ZNF283: variants seen among roughly 807,000 people sequenced by gnomAD.
ZNF283 encodes zinc finger protein 41.
ZNF283 carries 10 observed loss-of-function variants against 9.2 expected under a neutral mutation model. The ratio of observed to expected loss-of-function variants is 1.09; its 90% CI spans 0.67 to 1.85. The LOEUF is 1.85. Among genes scored for constraint, ZNF283 ranks in the 40% most tolerant of loss-of-function variants. The pLI is 0.00. For synonymous variants in ZNF283, 234 were observed against 244.1 expected, an observed-to-expected ratio of 0.96 and a Z score of 0.38; for missense variants, 631 against 760.1, an observed-to-expected ratio of 0.83 and a Z score of 2.00.
intron 2 of ZNF283, among the ~76,000 whole-genome samples, chr19:43,829,349 C>T (rs1215394582): frequency 2.0e-5 from 3 of 152,156 alleles, no homozygotes; most frequent in African/African-American, 7.2e-5. Flanking sequence ...TGCACCACTG[C>T]ACTCCAGCCT....
chr19:43,831,904 C>T (rs1315425648), intron 3 of ZNF283, among the ~76,000 whole-genome samples: 1 of 152,226 alleles, frequency 6.6e-6, no homozygotes, highest in Admixed American at 6.5e-5. Flanking sequence ...GCTGGAATTA[C>T]AGGCGTGAGC....
chr19:43,835,677 A>G, intron 5 of ZNF283, 85 bp downstream of exon 5: 1 of 1,089,538 alleles, frequency 9.2e-7, no homozygotes, highest in Non-Finnish European at 1.4e-6. Context: ...GACCTATAGA[A>G]CTTCTCCATA....
intron 6 of ZNF283, chr19:43,837,694 G>A (rs1971038763): frequency 1.3e-5 from 2 of 153,558 alleles, no homozygotes; most frequent in Admixed American, 1.3e-4. Flanking sequence ...CAGCATAAGG[G>A]AATAGAAAAT....
chr19:43,846,665 G>T (rs1313391197), intron 6 of ZNF283, among the ~76,000 whole-genome samples: 1 of 152,196 alleles, frequency 6.6e-6, no homozygotes, highest in Non-Finnish European at 1.5e-5. Flanking sequence ...ATTGATGGAA[G>T]CTGACATTTG....
chr19:43,844,272 C>T (rs8113286), intron 6 of ZNF283, among the ~76,000 whole-genome samples: 60,969 of 151,294 alleles, frequency 0.4, 12,599 homozygotes, highest in South Asian at 0.55. Flanking sequence ...AATGATTTTT[C>T]TTGACATTTA....
At chr19:43,844,296 A>G (rs1971324653) in intron 6 of ZNF283, among the ~76,000 whole-genome samples, 1 of 152,132 alleles carries the variant, frequency 6.6e-6, no homozygotes, top group African/African-American at 2.4e-5. Flanking sequence ...AGTTAAACCC[A>G]TATTTATTTA....
At chr19:43,842,175 T>C (rs531785611) in intron 6 of ZNF283, among the ~76,000 whole-genome samples, 1 of 152,346 alleles carries the variant, frequency 6.6e-6, no homozygotes, top group East Asian at 1.9e-4. Context: ...CCAGTCTTTT[T>C]ACTCTTTGTA....
chr19:43,848,714 A>G lies in ZNF283; in HGVS notation c.*73A>G. On this transcript the variant is annotated 3_prime_UTR_variant, in exon 7 of 7. Coordinates refer to ENST00000618787, the MANE Select transcript of ZNF283 (RefSeq NM_181845.2). The stretch of plus-strand genomic sequence containing the variant: ...CATAATAAGAACTCTTACTCTTGAG[A>G]AACCTTGTGAATGTAAGGGTTGTGC... The G allele has an allele frequency of 3.5e-6, 5 of 1,418,678 alleles. No individual in the cohort carries two copies. The highest frequency in any genetic ancestry group is 4.7e-6 in the Non-Finnish European group (5 of 1,066,306). 87.9% of individuals were successfully genotyped at this position (1,418,678 alleles called of 1,614,324 possible).
chr19:43,842,737 C>T (rs990818294), intron 6 of ZNF283, among the ~76,000 whole-genome samples: 2 of 152,198 alleles, frequency 1.3e-5, no homozygotes, highest in Non-Finnish European at 2.9e-5. Flanking sequence ...GGTGACACTT[C>T]CACTGGTGGT....
In ZNF283 at chr19:43,847,823, T is replaced by C; in HGVS notation, c.1222T>C (p.Cys408Arg). 1 of 1,613,950 alleles carries C rather than the reference T, an allele frequency of 6.2e-7. No individual in the cohort carries two copies. The highest frequency in any genetic ancestry group is 8.5e-7 in the Non-Finnish European group (1 of 1,179,946). Residue 408 changes from cysteine (C) to arginine (R), a missense_variant, in exon 7 of 7, where the codon TGT (cysteine) becomes CGT (arginine). Physicochemically the swap from Cys to Arg is radical, Grantham distance 180. Around this residue, in one of 3 missense-constraint regions of ZNF283, gnomAD observed 444 missense variants for 522.5 expected, o/e 0.85. Transcript: ENST00000618787. ...TGAGAAACCCTATGAATGCAAGGAA[T>C]GTGGGAAGGCTTTTAATTGCGGATC... ...TGEKPYECKE[C>R]GKAFNCGSSL...
intron 6 of ZNF283, among the ~76,000 whole-genome samples, chr19:43,839,642 T>A (rs1971120007): frequency 6.6e-6 from 1 of 152,324 alleles, no homozygotes; most frequent in South Asian, 2.1e-4. Flanking sequence ...TCCTTTTTCT[T>A]TTTGCTTCTC....
intron 6 of ZNF283, among the ~76,000 whole-genome samples, chr19:43,841,685 G>A (rs573741240): frequency 6.6e-6 from 1 of 152,174 alleles, no homozygotes; most frequent in South Asian, 2.1e-4. Flanking sequence ...CACCTGCCTT[G>A]GCCTCCCAAA....
chr19:43,847,637 C>T lies in ZNF283; in HGVS notation c.1036C>T (p.Pro346Ser). The T allele has an allele frequency of 6.2e-7, 1 of 1,612,006 alleles. No individual in the cohort carries two copies. Among genetic ancestry groups the T allele is most frequent in the Non-Finnish European group, 8.5e-7 (1 of 1,179,274 alleles). The change falls in exon 7 of 7, where the codon CCT becomes TCT. Residue 346 changes from proline (P) to serine (S), a missense_variant. Coordinates refer to ENST00000618787, the MANE Select transcript of ZNF283 (RefSeq NM_181845.2). ...KHEIIHTGEK[P>S]YKCKECGKAF... ...TGAGATAATTCATACAGGTGAGAAA[C>T]CTTATAAATGTAAAGAATGTGGGAA...
Position 43,850,366 on chromosome 19 carries a change from A to G in ZNF283, c.*1725A>G, listed in dbSNP as rs7247863. 61,428 of 151,848 alleles carry G rather than the reference A, an allele frequency of 0.4. 12,855 individuals carry two copies. The highest frequency in any genetic ancestry group is 0.55 in the South Asian group (2,651 of 4,818). The allele number at this position is 151,848 out of a possible 1,614,324, so 9.4% of individuals were successfully genotyped here. On this transcript the variant is annotated 3_prime_UTR_variant, in exon 7 of 7. Coordinates refer to ENST00000618787, the MANE Select transcript of ZNF283 (RefSeq NM_181845.2). ...CTGGAGTTGTCTGTTATAAAGATCC[A>G]TTATATACCTAATAGGATTGGTCAG...
chr19:43,837,059 G>A lies in ZNF283; in HGVS notation c.217G>A (p.Val73Met). 6.2e-7 allele frequency: 1 copy of A among 1,613,986 alleles called. No individual in the cohort carries two copies. Among genetic ancestry groups the A allele is most frequent in the Non-Finnish European group, 8.5e-7 (1 of 1,179,984 alleles). The change falls in exon 6 of 7, where the codon GTG becomes ATG. Residue 73 changes from valine (V) to methionine (M), a missense_variant. Transcript: ENST00000618787. ...CATGGGTTTTTGGTTTTAGGGGTTG[G>A]TGACATTCAGGGATGTGGCCATCGA... is the stretch of plus-strand genomic sequence containing the variant. ...CNSRTMTDGL[V>M]TFRDVAIDFS...
chr19:43,841,331 T>G (rs1168277115), intron 6 of ZNF283: 2 of 152,198 alleles, frequency 1.3e-5, no homozygotes, highest in Non-Finnish European at 2.9e-5. Context: ...CATACTACTT[T>G]GTTGTATAAT....
Position 43,827,378 on chromosome 19 carries a change from G to C in ZNF283, c.-211G>C, listed in dbSNP as rs1970517188. On this transcript the variant is annotated 5_prime_UTR_variant, in exon 1 of 7. Coordinates refer to ENST00000618787, the MANE Select transcript of ZNF283 (RefSeq NM_181845.2). ...AGGCTCTTGTTTCCCATCAGCCTCTGGGTCCAAACTAACCACAGGTCTCTG... is the reference window on the plus strand; with the variant it reads ...AGGCTCTTGTTTCCCATCAGCCTCTCGGTCCAAACTAACCACAGGTCTCTG... The C allele has an allele frequency of 6.6e-6, 1 of 152,364 alleles. No individual in the cohort carries two copies. The highest frequency in any genetic ancestry group is 2.1e-4 in the South Asian group (1 of 4,830). 9.4% of individuals were successfully genotyped at this position (152,364 alleles called of 1,614,324 possible).
chr19:43,833,023 G>A (rs1233772308), intron 3 of ZNF283, among the ~76,000 whole-genome samples: 3 of 110,530 alleles, frequency 2.7e-5, no homozygotes, highest in African/African-American at 1.1e-4. Flanking sequence ...GCAAGACCCT[G>A]TCTCTGAAAA....
chr19:43,834,143 G>A (rs1182585575), intron 4 of ZNF283, among the ~76,000 whole-genome samples: 2 of 152,204 alleles, frequency 1.3e-5, no homozygotes, highest in Non-Finnish European at 2.9e-5. Context: ...ATAGGATCAG[G>A]TGATTCAGTT....
Sources: allele counts gnomAD v4.1 joint callset (sites outside exome capture counted in the v4.1 genomes callset), GRCh38; gene constraint gnomAD v4.1.1; regional missense constraint gnomAD v4.1.1; transcripts MANE v1.5; gene names NCBI Gene and HGNC (gene_info 2026-07-23, HGNC 2026-07-21).